Variants in ZFHX4 observed in about 807,000 individuals in gnomAD.
The protein encoded by ZFHX4 is zinc finger homeobox protein 4.
ZFHX4 carries 56 observed loss-of-function variants against 267.6 expected under a neutral mutation model. The observed-to-expected ratio is 0.21, with a 90% CI of 0.17 to 0.26. ZFHX4 has a LOEUF of 0.26. Among genes scored for constraint, ZFHX4 ranks in the 10% least tolerant of loss-of-function variants. The pLI is 1.00. For missense variants in ZFHX4, 4,332 were observed against 4,420.0 expected (o/e 0.98, Z 0.56); for synonymous variants, 1,778 against 1,665.6 (o/e 1.07, Z -1.64).
At chr8:76,697,241 C>T (rs777342424) in intron 1 of ZFHX4, among the ~76,000 whole-genome samples, 10 of 151,704 alleles carry the variant, frequency 6.6e-5, no homozygotes, top group East Asian at 1.9e-4. Flanking sequence ...AAAATATAGA[C>T]GCATGTTAAA....
intron 4 of ZFHX4, among the ~76,000 whole-genome samples, chr8:76,820,881 A>G (rs767022501): frequency 2.3e-4 from 35 of 152,312 alleles, no homozygotes; most frequent in East Asian, 1.9e-4. Flanking sequence ...GTGTATCACA[A>G]ACAGGCAATG....
intron 1 of ZFHX4, among the ~76,000 whole-genome samples, chr8:76,694,049 GA>G (rs1368728157): frequency 5.3e-5 from 8 of 152,176 alleles, no homozygotes; most frequent in Non-Finnish European, 1.0e-4. Context: ...CTCTTTTCTA[GA>G]AGTCTGTTAT....
Position 76,762,896 on chromosome 8 carries a change from A to T in ZFHX4, c.3094-15312A>T, listed in dbSNP as rs544870678. On this transcript the variant is annotated intron_variant, in intron 3 of 10. Coordinates refer to ENST00000651372, the MANE Select transcript of ZFHX4 (RefSeq NM_024721.5). ...AAGGTCTTGATAATAATGAACATAA[A>T]GAGGAAGATACTTGAGAAGCAAAGA... 7.9e-4 allele frequency among the ~76,000 whole-genome samples: 121 copies of T among 152,328 alleles called. 1 individual carries two copies. The highest frequency in any genetic ancestry group is 7.9e-4 in the Non-Finnish European group (54 of 68,042).
chr8:76,693,363 G>C (rs1052036764), intron 1 of ZFHX4: 2 of 152,226 alleles, frequency 1.3e-5, no homozygotes. Context: ...AATCTAAATG[G>C]CTTTTTATAT....
intron 4 of ZFHX4, among the ~76,000 whole-genome samples, chr8:76,816,757 G>A (rs1457230302): frequency 2.0e-5 from 3 of 151,770 alleles, no homozygotes; most frequent in Non-Finnish European, 2.9e-5. Context: ...AACCATGCCC[G>A]GCTAATTTTT....
rs1437287519 is a variant in ZFHX4, at chr8:76,757,199, G to A, written c.3094-21009G>A. Among the ~76,000 whole-genome samples the A allele has an allele frequency of 3.9e-5, 6 of 152,094 alleles. No homozygotes were observed. In the East Asian group the frequency reaches 5.8e-4, roughly 15 times the overall value. ...CAACATGTCTGTTCTAACTGGGCTCGCAGTCTAAAGTGGAAGCCAGACAAA... is the reference window on the plus strand; with the variant it reads ...CAACATGTCTGTTCTAACTGGGCTCACAGTCTAAAGTGGAAGCCAGACAAA... On this transcript the variant is annotated intron_variant, in intron 3 of 10. Coordinates refer to ENST00000651372, the MANE Select transcript of ZFHX4 (RefSeq NM_024721.5).
rs890890505 is a variant in ZFHX4, at chr8:76,706,556, A to T, written c.2468A>T (p.Tyr823Phe). 11 of 1,612,568 alleles carry T rather than the reference A, an allele frequency of 6.8e-6. No homozygotes were observed. In the South Asian group the frequency reaches 1.1e-4, roughly 16 times the overall value. Residue 823 changes from tyrosine to phenylalanine, a missense_variant, in exon 2 of 11, where the codon TAC (tyrosine) becomes TTC (phenylalanine). Tyr to Phe is a conservative substitution (Grantham distance 22). Transcript: ENST00000651372. ...LAPAEAELYQ[Y>F]YLAQNIGLTG... Reference sequence around the variant, plus strand: ...CCGGCGGAAGCAGAGCTTTATCAGTACTACCTAGCCCAGAACATAGGCCTG... The same window carrying T: ...CCGGCGGAAGCAGAGCTTTATCAGTTCTACCTAGCCCAGAACATAGGCCTG...
In ZFHX4 at chr8:76,706,213, A is replaced by G; in HGVS notation, c.2125A>G (p.Thr709Ala). ...TTGTGAGGTTTGTAACTACTCTACC[A>G]CTACCAAAGGCAACCTCAGTATTCA... Reference protein sequence around the residue: ...FRCEVCNYSTTTKGNLSIHMQ... With the variant: ...FRCEVCNYSTATKGNLSIHMQ... Residue 709 changes from threonine (T) to alanine (A), a missense_variant, in exon 2 of 11, where the codon ACT (threonine) becomes GCT (alanine). Thr to Ala is a moderately conservative substitution (Grantham distance 58). Coordinates refer to ENST00000651372, the MANE Select transcript of ZFHX4 (RefSeq NM_024721.5). 2 of 1,613,956 alleles carry G rather than the reference A, an allele frequency of 1.2e-6. No individual in the cohort carries two copies. The highest frequency in any genetic ancestry group is 1.7e-6 in the Non-Finnish European group (2 of 1,179,964).
chr8:76,849,541 T>C lies in ZFHX4; in HGVS notation c.3675T>C (p.Asn1225=). The C allele has an allele frequency of 1.2e-6, 2 of 1,613,936 alleles. No homozygotes were observed. Among genetic ancestry groups the C allele is most frequent in the Non-Finnish European group, 1.7e-6 (2 of 1,179,832 alleles). ...QFYQCPYCNY[N]SRDQSRIQMH... ...ATCAATGTCCTTATTGTAACTACAA[T>C]AGTAGGGACCAAAGTCGTATCCAGA... Residue 1225 remains asparagine (N), a synonymous_variant, in exon 8 of 11, where the codon AAT becomes AAC. Transcript: ENST00000651372.
chr8:76,746,928 CTG>C (rs1353705755), intron 3 of ZFHX4, among the ~76,000 whole-genome samples: 1 of 152,188 alleles, frequency 6.6e-6, no homozygotes, highest in Non-Finnish European at 1.5e-5. Flanking sequence ...TTAACAAAGA[CTG>C]TGTTGTGTTT....
intron 3 of ZFHX4, among the ~76,000 whole-genome samples, chr8:76,713,887 A>AACAC (rs142829711): frequency 6.7e-6 from 1 of 149,510 alleles, no homozygotes; most frequent in African/African-American, 2.5e-5. Flanking sequence ...TTTACTCCTG[A>AACAC]ACACACACAC....
rs1812480411 is a variant in ZFHX4, at chr8:76,850,324, C to T, written c.3926C>T (p.Pro1309Leu). ...TCTGAGAAATCAGAGCGGGACACAC[C>T]TGCAGCCGTGACAGCTGAGGGGTCT... is the stretch of plus-strand genomic sequence containing the variant. ...AASEKSERDT[P>L]AAVTAEGSGK... The change falls in exon 9 of 11, where the codon CCT becomes CTT. Residue 1309 changes from proline (P) to leucine (L), a missense_variant. Around this residue, in one of 7 missense-constraint regions of ZFHX4, gnomAD observed 1,371 missense variants for 1,423.1 expected, o/e 0.96. Coordinates refer to ENST00000651372, the MANE Select transcript of ZFHX4 (RefSeq NM_024721.5). 1 of 1,612,984 alleles carries T rather than the reference C, an allele frequency of 6.2e-7. No homozygotes were observed.
chr8:76,683,765 T>G (rs1585844207), intron 1 of ZFHX4: 1 of 146,472 alleles, frequency 6.8e-6, no homozygotes, highest in Non-Finnish European at 1.5e-5. Flanking sequence ...AAACGTGGAG[T>G]GGTTAAAGCT....
intron 3 of ZFHX4, among the ~76,000 whole-genome samples, chr8:76,750,795 A>G (rs1408428408): frequency 1.3e-5 from 2 of 152,174 alleles, no homozygotes; most frequent in Non-Finnish European, 2.9e-5. Context: ...GAATGAATCT[A>G]AATATACTCC....
intron 1 of ZFHX4, among the ~76,000 whole-genome samples, chr8:76,686,151 G>A (rs1563459215): frequency 6.6e-6 from 1 of 152,154 alleles, no homozygotes. Context: ...AATTTCATAT[G>A]TGATAGAACA....
intron 5 of ZFHX4, among the ~76,000 whole-genome samples, chr8:76,838,455 A>T (rs1404716227): frequency 4.6e-5 from 7 of 152,148 alleles, no homozygotes; most frequent in Admixed American, 3.9e-4. Flanking sequence ...AGGTTGAGTT[A>T]TTTCTTTGTA....
intron 3 of ZFHX4, chr8:76,708,338 T>C (rs912545430): frequency 2.0e-5 from 7 of 357,182 alleles, no homozygotes; most frequent in Middle Eastern, 8.4e-4. Context: ...ATATATAAAA[T>C]AATACTTTTT....
rs760912656 is a variant in ZFHX4 at position 76,778,353 on chromosome 8, T to C, written c.3239T>C (p.Leu1080Pro). ...KHQQTEGLRKLQLHQQGLAPE... is the reference protein window; with the variant it reads ...KHQQTEGLRKPQLHQQGLAPE... ...CAGCAGACTGAGGGCCTACGGAAGC[T>C]CCAGCTCCACCAGCAAGGCCTGGCA... Residue 1080 changes from leucine (L) to proline (P), a missense_variant, in exon 4 of 11, where the codon CTC becomes CCC. By Grantham distance (98) the Leu-to-Pro change is moderately conservative (BLOSUM62 -3). This residue lies in a region of ZFHX4 where 1,371 missense variants were observed against 1,423.1 expected (regional missense o/e 0.96). Coordinates refer to ENST00000651372, the MANE Select transcript of ZFHX4 (RefSeq NM_024721.5). The C allele has an allele frequency of 6.8e-6, 11 of 1,613,764 alleles. No homozygotes were observed. The highest frequency in any genetic ancestry group is 5.1e-6 in the Non-Finnish European group (6 of 1,179,818).
chr8:76,833,199 T>A (rs781236894), intron 4 of ZFHX4, 139 bp from the exon 5 acceptor site: 7 of 618,538 alleles, frequency 1.1e-5, no homozygotes, highest in Non-Finnish European at 1.7e-5. Flanking sequence ...TAGGATATAA[T>A]GTGTGCTGGA....
Sources: gnomAD v4.1 joint callset for allele counts (sites outside exome capture counted in the v4.1 genomes callset) on GRCh38, gnomAD v4.1.1 for gene constraint, gnomAD v4.1.1 regional missense constraint, MANE v1.5 for transcripts, NCBI Gene and HGNC (gene_info 2026-07-23, HGNC 2026-07-21) for gene names.